CCSER2: variants seen among roughly 807,000 people sequenced by gnomAD.
CCSER2 encodes coiled-coil serine rich protein 2.
A neutral mutation model predicts 92.3 loss-of-function variants in CCSER2; 46 were observed. The ratio of observed to expected loss-of-function variants is 0.50; its 90% confidence interval spans 0.39 to 0.64. The LOEUF (loss-of-function observed/expected upper bound fraction) is 0.64, where lower values mean the gene tolerates loss of function less well. CCSER2 is among the 30% of genes least tolerant of loss of function. The probability of loss-of-function intolerance (pLI) is 0.00; values close to 1 mark genes in which losing one functional copy is unlikely to be tolerated. For synonymous variants in CCSER2, 433 were observed against 431.4 expected, an observed-to-expected ratio of 1.00 and a Z score of -0.04; for missense variants, 1,244 against 1,238.9, an observed-to-expected ratio of 1.00 and a Z score of -0.06.
At chr10:84,337,934 G>A (rs1843931040) in intron 1 of CCSER2, among the ~76,000 whole-genome samples, 1 of 152,156 alleles carries the variant, frequency 6.6e-6, no homozygotes, top group Non-Finnish European at 1.5e-5. Context: ...TGAACACTGA[G>A]TAGTTACCCG....
intron 6 of CCSER2, among the ~76,000 whole-genome samples, chr10:84,443,148 G>A (rs1257647325): frequency 1.3e-5 from 2 of 152,116 alleles, no homozygotes; most frequent in Non-Finnish European, 1.5e-5. Context: ...TTGACAAATG[G>A]GATCTAATTA....
intron 9 of CCSER2, among the ~76,000 whole-genome samples, chr10:84,484,654 C>A (rs951360481): frequency 6.6e-6 from 1 of 152,064 alleles, no homozygotes; most frequent in Non-Finnish European, 1.5e-5. Flanking sequence ...ATGATCTGGT[C>A]ATACAGTTAT....
intron 6 of CCSER2, among the ~76,000 whole-genome samples, chr10:84,440,977 A>T (rs930996568): frequency 6.6e-6 from 1 of 152,152 alleles, no homozygotes; most frequent in Admixed American, 6.6e-5. Context: ...TATTTCTAGC[A>T]TTCTGCAGTT....
At chr10:84,466,817 T>C (rs1301912624) in intron 7 of CCSER2, among the ~76,000 whole-genome samples, 1 of 152,068 alleles carries the variant, frequency 6.6e-6, no homozygotes, top group Non-Finnish European at 1.5e-5. Context: ...CCGGCCTCCT[T>C]CTTGCCTTCT....
At chr10:84,457,292 A>ATAATG (rs1564684794) in intron 6 of CCSER2, among the ~76,000 whole-genome samples, 1 of 75,802 alleles carries the variant, frequency 1.3e-5, no homozygotes, top group African/African-American at 5.8e-5. Context: ...TATATTATAT[A>ATAATG]TTATATATAA....
At chr10:84,403,150 C>A (rs1045165950) in intron 3 of CCSER2, among the ~76,000 whole-genome samples, 1 of 149,418 alleles carries the variant, frequency 6.7e-6, no homozygotes, top group African/African-American at 2.5e-5. Context: ...CTGAAGTAGA[C>A]CTACACAAAT....
chr10:84,429,734 TA>T lies in CCSER2; in HGVS notation c.1868+3842del, dbSNP rs200491895. Among the ~76,000 whole-genome samples the T allele has an allele frequency of 5.2e-3, 798 of 152,124 alleles. 2 individuals carry two copies. Among genetic ancestry groups the T allele is most frequent in the African/African-American group, 0.018 (757 of 41,496 alleles). ...TCTGTAGTTTGTTGAGCCTCCTAGATATACAGATTAATGTTTTTCATCAAAT... is the reference window on the plus strand; with the variant it reads ...TCTGTAGTTTGTTGAGCCTCCTAGATTACAGATTAATGTTTTTCATCAAAT... On this transcript the variant is annotated intron_variant, in intron 5 of 9. Transcript: ENST00000372088.
intron 8 of CCSER2, among the ~76,000 whole-genome samples, chr10:84,476,435 CTTTTTTTTTTTTTTTTT>C (rs35978182): frequency 1.7e-5 from 1 of 58,510 alleles, no homozygotes; most frequent in Non-Finnish European, 3.0e-5. Flanking sequence ...AATTCTCTCT[CTTTTTTTTTTTTTTTTT>C]TTTTTTTTTT....
Position 84,514,031 on chromosome 10 carries a change from C to T in CCSER2, c.2908C>T (p.Leu970Phe). 6.5e-7 allele frequency: 1 copy of T among 1,536,610 alleles called. No individual in the cohort carries two copies. Among genetic ancestry groups the T allele is most frequent in the Non-Finnish European group, 8.7e-7 (1 of 1,147,014 alleles). Reference protein sequence around the residue: ...KLQPTSSQTNLANNQNLKASK... With the variant: ...KLQPTSSQTNFANNQNLKASK... ...TCAGCCAACATCTAGTCAAACAAAT[C>T]TTGCAAATAATCAGAATCTGAAAGC... Residue 970 changes from leucine (L) to phenylalanine (F), a missense_variant, in exon 10 of 10, where the codon CTT becomes TTT. Coordinates refer to ENST00000372088, the MANE Select transcript of CCSER2 (RefSeq NM_001284240.2).
chr10:84,440,986 T>C (rs954389533), intron 6 of CCSER2, among the ~76,000 whole-genome samples: 2 of 152,230 alleles, frequency 1.3e-5, no homozygotes, highest in Non-Finnish European at 2.9e-5. Flanking sequence ...CATTCTGCAG[T>C]TTCACAGTAA....
At chr10:84,351,799 T>C (rs77714582) in intron 1 of CCSER2, among the ~76,000 whole-genome samples, 116 of 152,350 alleles carry the variant, frequency 7.6e-4, no homozygotes, top group African/African-American at 2.6e-3. Context: ...TGTATTTCTT[T>C]TAATGTAGTT....
intron 9 of CCSER2, among the ~76,000 whole-genome samples, chr10:84,481,881 A>G (rs1190693243): frequency 6.6e-6 from 1 of 152,164 alleles, no homozygotes; most frequent in Non-Finnish European, 1.5e-5. Flanking sequence ...GCACAGTCCT[A>G]TACAACTTTC....
At chr10:84,431,231 C>T (rs916700509) in intron 5 of CCSER2, among the ~76,000 whole-genome samples, 3 of 152,140 alleles carry the variant, frequency 2.0e-5, no homozygotes, top group Non-Finnish European at 4.4e-5. Flanking sequence ...AATAGTTTCA[C>T]TACCCTTCAA....
rs111465655 is a variant in CCSER2, at chr10:84,416,349, G to A, written c.1615-1422G>A. ...TCACTCACTGCTTTCATTCCTCTCC[G>A]TGAGTGCCGCAGACTGTAACTGCTT... On this transcript the variant is annotated intron_variant, in intron 3 of 9. Coordinates refer to ENST00000372088, the MANE Select transcript of CCSER2 (RefSeq NM_001284240.2). 6.3e-3 allele frequency among the ~76,000 whole-genome samples: 957 copies of A among 152,160 alleles called. 6 individuals carry two copies. The highest frequency in any genetic ancestry group is 0.02 in the East Asian group (101 of 5,166).
intron 9 of CCSER2, among the ~76,000 whole-genome samples, chr10:84,497,823 TATAA>T (rs1292956698): frequency 3.3e-5 from 5 of 152,318 alleles, no homozygotes; most frequent in African/African-American, 7.2e-5. Context: ...TTAAATGCCA[TATAA>T]ATAGAGTTAC....
intron 5 of CCSER2, among the ~76,000 whole-genome samples, chr10:84,429,421 T>G (rs892311493): frequency 8.5e-5 from 13 of 152,110 alleles, no homozygotes; most frequent in African/African-American, 3.1e-4. Flanking sequence ...TAGCAATAAA[T>G]TCTCTGTTTT....
chr10:84,368,118 G>A (rs1845877199), intron 1 of CCSER2, among the ~76,000 whole-genome samples: 1 of 152,104 alleles, frequency 6.6e-6, no homozygotes. Flanking sequence ...CCTAGGTTTT[G>A]AAGCCTCTGT....
At chr10:84,403,322 T>G (rs1266885073) in intron 3 of CCSER2, among the ~76,000 whole-genome samples, 1 of 152,178 alleles carries the variant, frequency 6.6e-6, no homozygotes, top group African/African-American at 2.4e-5. Context: ...TCATATAAAA[T>G]GTGAACTATG....
chr10:84,341,666 G>A (rs1209345707), intron 1 of CCSER2, among the ~76,000 whole-genome samples: 2 of 151,970 alleles, frequency 1.3e-5, no homozygotes, highest in Admixed American at 1.3e-4. Context: ...ACAAGATGGC[G>A]CCATCCCCCC....
Sources: gnomAD v4.1 joint callset for allele counts (sites outside exome capture counted in the v4.1 genomes callset) on GRCh38, gnomAD v4.1.1 for gene constraint, MANE v1.5 for transcripts, NCBI Gene and HGNC (gene_info 2026-07-23, HGNC 2026-07-21) for gene names.